UBE3C: variants seen among roughly 807,000 people sequenced by gnomAD.
UBE3C encodes ubiquitin protein ligase E3C.
A neutral mutation model predicts 129.4 loss-of-function variants in UBE3C; 42 were observed. The observed-to-expected ratio is 0.32, with a 90% CI of 0.25 to 0.42. UBE3C has a LOEUF of 0.42. UBE3C is among the 10% of genes least tolerant of loss of function. The pLI, the probability that UBE3C is intolerant of heterozygous loss-of-function variation, is 1.00. For missense variants in UBE3C, 1,049 were observed against 1,319.1 expected, an observed-to-expected ratio of 0.80 and a Z score of 3.17; for synonymous variants, 510 against 492.4, an observed-to-expected ratio of 1.04 and a Z score of -0.47.
At chr7:157,171,676 ATATATATATATTTTTTTTTTTTTTTTT>A (rs1808372390) in intron 4 of UBE3C, among the ~76,000 whole-genome samples, 1 of 29,714 alleles carries the variant, frequency 3.4e-5, no homozygotes, top group African/African-American at 1.0e-4. Context: ...ATATATATAT[ATATATATATATTTTTTTTTTTTTTTTT>A]TTTTTTTTTT....
At chr7:157,215,251 G>A (rs1317523413) in intron 13 of UBE3C, among the ~76,000 whole-genome samples, 1 of 151,916 alleles carries the variant, frequency 6.6e-6, no homozygotes, top group Non-Finnish European at 1.5e-5. Context: ...ACATTGTAGT[G>A]GCCTGAGATA....
intron 9 of UBE3C, among the ~76,000 whole-genome samples, chr7:157,184,803 T>A (rs1808763694): frequency 6.6e-6 from 1 of 152,108 alleles, no homozygotes. Context: ...ATGAAAGAGA[T>A]CACAGCAATA....
chr7:157,153,072 T>C (rs886619462), intron 1 of UBE3C, among the ~76,000 whole-genome samples: 1 of 152,002 alleles, frequency 6.6e-6, no homozygotes, highest in African/African-American at 2.4e-5. Context: ...GGTGGGCGCC[T>C]GTAATCTCAG....
chr7:157,220,628 G>T, intron 14 of UBE3C, 61 bp from the exon 15 acceptor site: 1 of 1,597,482 alleles, frequency 6.3e-7, no homozygotes, highest in South Asian at 1.1e-5. Flanking sequence ...GTTCAAGTGT[G>T]ATCAGGTCAA....
intron 1 of UBE3C, among the ~76,000 whole-genome samples, chr7:157,159,922 G>T (rs1283779935): frequency 6.6e-6 from 1 of 152,164 alleles, no homozygotes; most frequent in Non-Finnish European, 1.5e-5. Flanking sequence ...GTCTAATAGA[G>T]CCTAATCTTC....
chr7:157,155,017 C>G (rs1208738013), intron 1 of UBE3C, among the ~76,000 whole-genome samples: 1 of 152,122 alleles, frequency 6.6e-6, no homozygotes, highest in South Asian at 2.1e-4. Context: ...ATTTTAAAAA[C>G]TTTCTTTTGA....
rs149361418 is a variant in UBE3C, at chr7:157,157,840, G to T, written c.67-5970G>T. ...GAAAAACAGCACAAAAATTAGCCAG[G>T]CATGGTGGTGGAAGCCTGTAATCCC... is the stretch of plus-strand genomic sequence containing the variant. On this transcript the variant is annotated intron_variant, in intron 1 of 22. Coordinates refer to ENST00000348165, the MANE Select transcript of UBE3C (RefSeq NM_014671.3). Among the ~76,000 whole-genome samples the T allele has an allele frequency of 2.7e-3, 416 of 152,098 alleles. 5 individuals carry two copies. The highest frequency in any genetic ancestry group is 9.6e-3 in the African/African-American group (400 of 41,470).
intron 13 of UBE3C, among the ~76,000 whole-genome samples, 178 bp from the exon 14 acceptor site, chr7:157,216,669 ATTTGTTGGCAGATAACTGCT>A (rs1017030622): frequency 1.3e-5 from 2 of 152,120 alleles, no homozygotes; most frequent in African/African-American, 4.8e-5. Context: ...TTCTGCACAT[ATTTGTTGGCAGATAACTGCT>A]TTGTATACAT....
chr7:157,237,379 T>C (rs1201881734), intron 18 of UBE3C, among the ~76,000 whole-genome samples: 13 of 152,220 alleles, frequency 8.5e-5, no homozygotes, highest in African/African-American at 3.1e-4. Context: ...AGGCGGAGCT[T>C]GCAGTGAGCC....
intron 1 of UBE3C, among the ~76,000 whole-genome samples, chr7:157,153,606 A>T (rs59950796): frequency 1.3e-5 from 2 of 152,132 alleles, no homozygotes. Context: ...CCAGCCAGAA[A>T]GTCATAATTC....
intron 18 of UBE3C, among the ~76,000 whole-genome samples, chr7:157,239,962 A>G (rs1042222813): frequency 6.6e-6 from 1 of 152,162 alleles, no homozygotes; most frequent in Non-Finnish European, 1.5e-5. Flanking sequence ...GTGTTCCCAG[A>G]CCAGCCACAT....
In UBE3C at chr7:157,177,944, T is replaced by TA. The variant is rs1161226701; in HGVS notation, c.459-744dup. Among the ~76,000 whole-genome samples the TA allele has an allele frequency of 4.6e-3, 681 of 149,298 alleles. 4 individuals carry two copies. Among genetic ancestry groups the TA allele is most frequent in the East Asian group, 0.028 (141 of 5,116 alleles). On this transcript the variant is annotated intron_variant, in intron 5 of 22. Coordinates refer to ENST00000348165, the MANE Select transcript of UBE3C (RefSeq NM_014671.3). ...GATGGATTCTGTTTTTTTTTTTTTT[T>TA]AAGAAAAAGGAAAAACAGCTGTAAA... is the stretch of plus-strand genomic sequence containing the variant.
chr7:157,177,782 T>C (rs1426442819), intron 5 of UBE3C, among the ~76,000 whole-genome samples: 1 of 152,182 alleles, frequency 6.6e-6, no homozygotes, highest in East Asian at 1.9e-4. Flanking sequence ...ATAAGCCGTG[T>C]AGACACACCC....
intron 1 of UBE3C, among the ~76,000 whole-genome samples, chr7:157,146,305 A>G (rs753286654): frequency 6.6e-6 from 1 of 150,682 alleles, no homozygotes; most frequent in Non-Finnish European, 1.5e-5. Context: ...GCAGTGGCGC[A>G]ATCTCGGCTC....
At position 157,189,942 on chromosome 7, in the gene UBE3C, G is replaced by A. The variant is rs144894620; in HGVS notation, c.1331+2921G>A. Among the ~76,000 whole-genome samples the A allele has an allele frequency of 3.4e-3, 520 of 151,986 alleles. 16 individuals carry two copies. The South Asian group carries it at 0.048, about 14-fold the overall frequency. ...CAGCCTCCCGAGTAGCTGAGATTAC[G>A]GGCACCCATCACCATGCCCAGCTAA... On this transcript the variant is annotated intron_variant, in intron 10 of 22. Transcript: ENST00000348165.
chr7:157,154,327 A>AT (rs1407052926), intron 1 of UBE3C, among the ~76,000 whole-genome samples: 3 of 152,084 alleles, frequency 2.0e-5, no homozygotes, highest in African/African-American at 7.2e-5. Context: ...TAAAAAAAAA[A>AT]GATAAAAGGT....
intron 11 of UBE3C, among the ~76,000 whole-genome samples, chr7:157,206,596 T>C (rs1033157597): frequency 6.6e-6 from 1 of 151,738 alleles, no homozygotes; most frequent in Non-Finnish European, 1.5e-5. Context: ...CTTAATATTT[T>C]AAACTTCTTT....
At chr7:157,174,436 A>G (rs921310665) in intron 4 of UBE3C, among the ~76,000 whole-genome samples, 6 of 152,072 alleles carry the variant, frequency 3.9e-5, no homozygotes, top group African/African-American at 1.4e-4. Flanking sequence ...TTATTTTAAG[A>G]TTGAAAATGC....
intron 1 of UBE3C, among the ~76,000 whole-genome samples, chr7:157,158,379 A>C (rs1807975597): frequency 6.6e-6 from 1 of 152,044 alleles, no homozygotes; most frequent in African/African-American, 2.4e-5. Flanking sequence ...AGCACCCAAA[A>C]CCTGTTAAAC....
Sources: gnomAD v4.1 joint callset for allele counts (sites outside exome capture counted in the v4.1 genomes callset) on GRCh38, gnomAD v4.1.1 for gene constraint, MANE v1.5 for transcripts, NCBI Gene and HGNC (gene_info 2026-07-23, HGNC 2026-07-21) for gene names.